Variants in CGAS observed in about 807,000 individuals in gnomAD.
CGAS encodes cyclic GMP-AMP synthase.
CGAS carries 31 observed loss-of-function variants against 34.0 expected under a neutral mutation model. The ratio of observed to expected loss-of-function variants is 0.91; its 90% CI spans 0.69 to 1.23. CGAS has a LOEUF of 1.23. Ranked by LOEUF, CGAS falls within the 50% of genes most tolerant of loss-of-function variation. The probability of loss-of-function intolerance (pLI) is 0.00; values close to 1 mark genes in which losing one functional copy is unlikely to be tolerated. For missense variants in CGAS, 597 were observed against 657.6 expected (o/e 0.91, Z 1.01); for synonymous variants, 266 against 260.0 (o/e 1.02, Z -0.22).
At chr6:73,448,521 A>T (rs2150018451) in intron 1 of CGAS, among the ~76,000 whole-genome samples, 1 of 152,362 alleles carries the variant, frequency 6.6e-6, no homozygotes, top group Non-Finnish European at 1.5e-5. Context: ...GAATGAAAAG[A>T]ACATATGGAC....
chr6:73,436,926 G>A lies in CGAS; in HGVS notation c.1114+3283C>T, dbSNP rs564597978. Reference sequence around the variant, plus strand: ...AGTACTTTGGGAGGCCAAGGTGGGTGGACCACCTGAGGTTGGGAGTTCAAG... The same window carrying A: ...AGTACTTTGGGAGGCCAAGGTGGGTAGACCACCTGAGGTTGGGAGTTCAAG... On this transcript the variant is annotated intron_variant, in intron 3 of 4. Coordinates refer to ENST00000370315, the MANE Select transcript of CGAS (RefSeq NM_138441.3). Among the ~76,000 whole-genome samples the A allele has an allele frequency of 3.3e-5, 5 of 152,202 alleles. No homozygotes were observed. The East Asian group carries it at 9.6e-4, about 29-fold the overall frequency.
intron 4 of CGAS, among the ~76,000 whole-genome samples, chr6:73,427,278 CTTTA>C (rs10628387): frequency 0.064 from 9,233 of 143,508 alleles, 371 homozygotes; most frequent in Non-Finnish European, 0.078. Flanking sequence ...GGCCAACTTA[CTTTA>C]TTTATTTATT....
At chr6:73,442,404 C>CTTTTTTT (rs575356584) in intron 2 of CGAS, among the ~76,000 whole-genome samples, 4,926 of 140,490 alleles carry the variant, frequency 0.035, 178 homozygotes, top group African/African-American at 0.079. Flanking sequence ...CCAGCCCAAA[C>CTTTTTTT]TTTTTTTTTT....
At chr6:73,438,085 A>T (rs1770308491) in intron 3 of CGAS, among the ~76,000 whole-genome samples, 1 of 152,208 alleles carries the variant, frequency 6.6e-6, no homozygotes, top group Admixed American at 6.5e-5. Flanking sequence ...TAAACAAATA[A>T]AAATAAATAA....
Position 73,451,720 on chromosome 6 carries a change from T to C in CGAS, c.462A>G (p.Val154=). 1 of 1,613,434 alleles carries C rather than the reference T, an allele frequency of 6.2e-7. No homozygotes were observed. The highest frequency in any genetic ancestry group is 8.5e-7 in the Non-Finnish European group (1 of 1,179,922). The part of the protein sequence containing the change: ...PGLPVSAPIL[V]RRDAAPGASK... ...AGGCCCCAGGCGCCGCATCCCTCCG[T>C]ACGAGAATGGGGGCCGAGACCGGCA... Residue 154 remains valine, a synonymous_variant, in exon 1 of 5, where the codon GTA becomes GTG. Coordinates refer to ENST00000370315, the MANE Select transcript of CGAS (RefSeq NM_138441.3).
intron 2 of CGAS, among the ~76,000 whole-genome samples, chr6:73,444,378 G>A (rs141817302): frequency 4.8e-4 from 73 of 151,464 alleles, no homozygotes; most frequent in East Asian, 2.1e-3. Context: ...CCCCGATCTC[G>A]GCTTACTGCA....
intron 3 of CGAS, among the ~76,000 whole-genome samples, chr6:73,434,318 A>G (rs1402321345): frequency 1.3e-5 from 2 of 152,174 alleles, no homozygotes; most frequent in Non-Finnish European, 2.9e-5. Flanking sequence ...GGTACCCTGG[A>G]GCCAATCCTG....
At position 73,429,686 on chromosome 6, in the gene CGAS, C is replaced by A. The variant is rs372392989; in HGVS notation, c.1115-875G>T. On this transcript the variant is annotated intron_variant, in intron 3 of 4. Transcript: ENST00000370315. ...CCAAAAATACAAAAAATTAGCCGGGCGTGGTGGCGGGCGCCTGTAATCCCA... is the reference window on the plus strand; with the variant it reads ...CCAAAAATACAAAAAATTAGCCGGGAGTGGTGGCGGGCGCCTGTAATCCCA... 2.8e-4 allele frequency among the ~76,000 whole-genome samples: 42 copies of A among 152,040 alleles called. 1 individual carries two copies. The East Asian group carries it at 6.6e-3, about 24-fold the overall frequency.
At chr6:73,445,168 T>C (rs954096030) in intron 2 of CGAS, among the ~76,000 whole-genome samples, 2 of 152,106 alleles carry the variant, frequency 1.3e-5, no homozygotes, top group Non-Finnish European at 1.5e-5. Flanking sequence ...ATGGATGAAA[T>C]ACCTAGGCAG....
intron 1 of CGAS, among the ~76,000 whole-genome samples, chr6:73,450,095 TAGAG>T (rs935417018): frequency 4.7e-5 from 4 of 85,924 alleles, no homozygotes; most frequent in Admixed American, 1.1e-4. Context: ...GACAGAGAGA[TAGAG>T]AGAAGAGAAG....
At chr6:73,436,213 C>T (rs1770277064) in intron 3 of CGAS, among the ~76,000 whole-genome samples, 1 of 151,788 alleles carries the variant, frequency 6.6e-6, no homozygotes, top group Non-Finnish European at 1.5e-5. Context: ...GCCACTGCAC[C>T]CCCATTTCCC....
In CGAS at chr6:73,451,780, A is replaced by G. The variant is rs9446904; in HGVS notation, c.402T>C (p.Pro134=). ...TGGGCACGTCCCAGGGCCCGGGCGG[A>G]GGTCTTGGCTTCGTGGAGCAGCGCG... The part of the protein sequence containing the change: ...RGARCSTKPR[P]PPGPWDVPSP... Residue 134 remains proline, a synonymous_variant, in exon 1 of 5, where the codon CCT becomes CCC. Transcript: ENST00000370315. The G allele has an allele frequency of 0.85, 1,347,679 of 1,590,382 alleles. 571,707 individuals carry two copies. Among genetic ancestry groups the G allele is most frequent in the East Asian group, 0.94 (40,341 of 43,080 alleles).
chr6:73,435,967 T>A (rs1303748111), intron 3 of CGAS, among the ~76,000 whole-genome samples: 1 of 152,116 alleles, frequency 6.6e-6, no homozygotes, highest in Non-Finnish European at 1.5e-5. Context: ...CAGTTTTTTG[T>A]CCTTAAGATA....
intron 1 of CGAS, among the ~76,000 whole-genome samples, chr6:73,447,942 C>T (rs1770496239): frequency 6.6e-6 from 1 of 152,180 alleles, no homozygotes. Flanking sequence ...CACTCTTTTT[C>T]CCATCTTATG....
rs992652074 is a variant in CGAS, at chr6:73,442,878, T to C, written c.878-2433A>G. ...TCCCAAAGTGCTGGGATTACAGGCA[T>C]GAGCCACCATACCTGGCCTAAAATT... On this transcript the variant is annotated intron_variant, in intron 2 of 4. Transcript: ENST00000370315. 3.9e-5 allele frequency among the ~76,000 whole-genome samples: 6 copies of C among 152,046 alleles called. No homozygotes were observed. In the East Asian group the frequency reaches 9.7e-4, roughly 25 times the overall value.
intron 3 of CGAS, among the ~76,000 whole-genome samples, chr6:73,434,371 G>A (rs769922153): frequency 5.4e-4 from 82 of 152,270 alleles, no homozygotes; most frequent in Middle Eastern, 6.8e-3. Flanking sequence ...GGCACGTACC[G>A]TTGATAAAAT....
At chr6:73,439,236 T>C (rs1346018984) in intron 3 of CGAS, among the ~76,000 whole-genome samples, 1 of 151,878 alleles carries the variant, frequency 6.6e-6, no homozygotes, top group Non-Finnish European at 1.5e-5. Context: ...CTTTTTTTTT[T>C]TAGACTAAAT....
intron 4 of CGAS, among the ~76,000 whole-genome samples, chr6:73,426,535 T>C (rs1340383669): frequency 6.6e-6 from 1 of 151,332 alleles, no homozygotes; most frequent in African/African-American, 2.4e-5. Flanking sequence ...TTTTTTTTTT[T>C]TGAGACAGGG....
chr6:73,452,137 G>C lies in CGAS; in HGVS notation c.45C>G (p.Ala15=). The C allele has an allele frequency of 1.2e-6, 2 of 1,607,312 alleles. No homozygotes were observed. The highest frequency in any genetic ancestry group is 1.7e-6 in the Non-Finnish European group (2 of 1,177,650). The change falls in exon 1 of 5, where the codon GCC becomes GCG. Residue 15 remains alanine (A), a synonymous_variant. Transcript: ENST00000370315. Reference sequence around the variant, plus strand: ...CGGAAGCCTTGGGGGCAGTGGCTCCGGCCTCGGAAGCTCTCTGCATGGCCT... The same window carrying C: ...CGGAAGCCTTGGGGGCAGTGGCTCCCGCCTCGGAAGCTCTCTGCATGGCCT... The part of the protein sequence containing the change: ...HGKAMQRASE[A]GATAPKASAR...
Sources: gnomAD v4.1 joint callset for allele counts (sites outside exome capture counted in the v4.1 genomes callset) on GRCh38, gnomAD v4.1.1 for gene constraint, MANE v1.5 for transcripts, NCBI Gene and HGNC (gene_info 2026-07-23, HGNC 2026-07-21) for gene names.